Variants in LRIG1 observed in about 807,000 individuals in gnomAD.
LRIG1 encodes leucine rich repeats and immunoglobulin like domains 1, also known as leucine-rich repeats and immunoglobulin-like domains protein 1.
Under a neutral mutation model 99.2 loss-of-function variants are expected in LRIG1, and 48 were observed. That is an observed-to-expected ratio of 0.48 (90% CI 0.38 to 0.62). The LOEUF (loss-of-function observed/expected upper bound fraction) is 0.62. Ranked by LOEUF, LRIG1 falls within the 20% of genes least tolerant of loss-of-function variation. The pLI, the probability that LRIG1 is intolerant of heterozygous loss-of-function variation, is 0.00. For synonymous variants in LRIG1, 772 were observed against 596.1 expected (o/e 1.29, Z -4.30); for missense variants, 1,646 against 1,434.4 (o/e 1.15, Z -2.38).
intron 5 of LRIG1, 50 bp downstream of exon 5, chr3:66,414,870 C>A: frequency 6.7e-7 from 1 of 1,493,210 alleles, no homozygotes. Context: ...GAAATCTGGC[C>A]TCCATAAAGT....
chr3:66,431,195 T>C (rs1425066268), intron 3 of LRIG1, among the ~76,000 whole-genome samples: 1 of 152,172 alleles, frequency 6.6e-6, no homozygotes, highest in Non-Finnish European at 1.5e-5. Context: ...TTCATTACAA[T>C]TGTCAGGGCA....
intron 2 of LRIG1, among the ~76,000 whole-genome samples, chr3:66,461,112 A>G (rs905940097): frequency 6.6e-6 from 1 of 152,160 alleles, no homozygotes; most frequent in African/African-American, 2.4e-5. Flanking sequence ...GGAGTTCAAG[A>G]CCAGCCTGAC....
chr3:66,474,632 C>T (rs1700677275), intron 1 of LRIG1, among the ~76,000 whole-genome samples: 3 of 152,192 alleles, frequency 2.0e-5, no homozygotes, highest in African/African-American at 7.2e-5. Flanking sequence ...AGGTGTCAGC[C>T]ACAGCACCCG....
chr3:66,443,334 G>GGGGGATGAGTGAGGGGCA (rs1703608307), intron 3 of LRIG1, among the ~76,000 whole-genome samples: 1 of 80,190 alleles, frequency 1.2e-5, no homozygotes, highest in African/African-American at 3.8e-5. Flanking sequence ...AGTGAGGGGC[G>GGGGGATGAGTGAGGGGCA]GGGGATGAGT....
chr3:66,489,517 TTGTGTGTA>T lies in LRIG1; in HGVS notation c.218+10665_218+10672del, dbSNP rs1276762806. On this transcript the variant is annotated intron_variant, in intron 1 of 18. Coordinates refer to ENST00000273261, the MANE Select transcript of LRIG1 (RefSeq NM_015541.3). ...AACCTGGGTGACAGAGTGGGACCCT[TTGTGTGTA>T]TGTGTGTGTGTGTGTGTGTGTGTGT... 1.1e-4 allele frequency among the ~76,000 whole-genome samples: 7 copies of T among 63,190 alleles called. No individual in the cohort carries two copies. In the South Asian group the frequency reaches 5.5e-3, roughly 50 times the overall value. The allele number at this position is 63,190 out of a possible 152,430, so 41.5% of individuals were successfully genotyped here. A position where few individuals can be genotyped will look rare whatever the true frequency, so the allele number is the denominator to read the frequency against.
At chr3:66,396,752 A>G (rs1701866402) in intron 11 of LRIG1, among the ~76,000 whole-genome samples, 1 of 152,250 alleles carries the variant, frequency 6.6e-6, no homozygotes, top group African/African-American at 2.4e-5. Context: ...GGTATTTTTC[A>G]GTCCTGACAT....
intron 1 of LRIG1, among the ~76,000 whole-genome samples, chr3:66,497,697 C>G (rs1701258491): frequency 1.1e-5 from 1 of 88,858 alleles, no homozygotes; most frequent in Non-Finnish European, 2.1e-5. Context: ...ATCAGACGCA[C>G]TGTTTACAAA....
chr3:66,457,128 C>G (rs114158453), intron 2 of LRIG1, among the ~76,000 whole-genome samples: 1 of 152,286 alleles, frequency 6.6e-6, no homozygotes, highest in Non-Finnish European at 1.5e-5. Flanking sequence ...TTCTGCCAGC[C>G]TGTGGCTCCA....
chr3:66,456,968 T>C (rs959316741), intron 2 of LRIG1, among the ~76,000 whole-genome samples: 5 of 152,184 alleles, frequency 3.3e-5, no homozygotes, highest in African/African-American at 1.2e-4. Context: ...TCCTCAGGGC[T>C]GTGGGCAGTG....
intron 3 of LRIG1, among the ~76,000 whole-genome samples, chr3:66,431,646 T>C (rs76706738): frequency 0.039 from 6,000 of 152,248 alleles, 390 homozygotes; most frequent in African/African-American, 0.14. Flanking sequence ...CAATGAGCTC[T>C]GACATGAGCT....
At chr3:66,484,207 T>C (rs1700916503) in intron 1 of LRIG1, among the ~76,000 whole-genome samples, 1 of 152,194 alleles carries the variant, frequency 6.6e-6, no homozygotes. Context: ...GTCTGAATTA[T>C]TCTATCTGGC....
intron 1 of LRIG1, among the ~76,000 whole-genome samples, chr3:66,479,942 C>A (rs2106891675): frequency 6.6e-6 from 1 of 152,322 alleles, no homozygotes; most frequent in South Asian, 2.1e-4. Context: ...AGTAATTCCA[C>A]TCCTCGGTAT....
At chr3:66,482,366 A>T (rs1700870879) in intron 1 of LRIG1, among the ~76,000 whole-genome samples, 1 of 152,254 alleles carries the variant, frequency 6.6e-6, no homozygotes, top group South Asian at 2.1e-4. Context: ...CAGATGATGT[A>T]CTGGGCTGAG....
intron 9 of LRIG1, among the ~76,000 whole-genome samples, chr3:66,404,003 C>T (rs993613325): frequency 1.3e-4 from 20 of 152,116 alleles, no homozygotes; most frequent in East Asian, 1.9e-4. Context: ...AAAGGGGTCA[C>T]GTATGGGTTA....
At chr3:66,495,801 C>T (rs1373568291) in intron 1 of LRIG1, among the ~76,000 whole-genome samples, 1 of 152,346 alleles carries the variant, frequency 6.6e-6, no homozygotes, top group African/African-American at 2.4e-5. Context: ...GTGCTCTCTC[C>T]TGCATTCCTG....
At chr3:66,408,303 G>A (rs1479300121) in intron 7 of LRIG1, among the ~76,000 whole-genome samples, 1 of 152,182 alleles carries the variant, frequency 6.6e-6, no homozygotes, top group Non-Finnish European at 1.5e-5. Context: ...AAGTCAGGGT[G>A]TCTGTCAGTT....
At chr3:66,398,913 C>T in intron 10 of LRIG1, 57 bp downstream of exon 10, 1 of 1,459,616 alleles carries the variant, frequency 6.9e-7, no homozygotes, top group Non-Finnish European at 9.6e-7. Context: ...TAGCAGAACT[C>T]CCCGGCAGCC....
At chr3:66,388,525 G>A (rs1701490739) in intron 12 of LRIG1, among the ~76,000 whole-genome samples, 1 of 152,170 alleles carries the variant, frequency 6.6e-6, no homozygotes, top group South Asian at 2.1e-4. Flanking sequence ...ACTCCAAGTA[G>A]AGTAAATTCA....
intron 1 of LRIG1, 60 bp from the exon 2 acceptor site, chr3:66,462,569 C>T: frequency 8.6e-7 from 1 of 1,168,558 alleles, no homozygotes; most frequent in Non-Finnish European, 1.3e-6. Flanking sequence ...ACCCAGAATT[C>T]AGAAATCTTC....
Sources: allele counts gnomAD v4.1 joint callset (sites outside exome capture counted in the v4.1 genomes callset), GRCh38; gene constraint gnomAD v4.1.1; transcripts MANE v1.5; gene names NCBI Gene and HGNC (gene_info 2026-07-23, HGNC 2026-07-21).